Variants in KCNT2 observed in about 807,000 individuals in gnomAD.
KCNT2 encodes the protein potassium sodium-activated channel subfamily T member 2.
KCNT2 carries 67 observed loss-of-function variants against 153.8 expected under a neutral mutation model. The observed-to-expected ratio is 0.44, with a 90% CI of 0.36 to 0.53. The LOEUF is 0.53. Among genes scored for constraint, KCNT2 ranks in the 20% least tolerant of loss-of-function variants. The pLI, the probability that KCNT2 is intolerant of heterozygous loss-of-function variation, is 0.00. For synonymous variants in KCNT2, 500 were observed against 458.8 expected, an observed-to-expected ratio of 1.09 and a Z score of -1.15; for missense variants, 975 against 1,354.8, an observed-to-expected ratio of 0.72 and a Z score of 4.40.
rs147741588 is a variant in KCNT2 at position 196,319,516 on chromosome 1, T to G, written c.2316A>C (p.Pro772=). ...MHFLDAICWF[P]MVYYMVGSID... ...TAGAGCCCACCATGTAGTAAACCATTGGAAACCAACAGATTGCATCCAGAA... is the reference window on the plus strand; with the variant it reads ...TAGAGCCCACCATGTAGTAAACCATGGGAAACCAACAGATTGCATCCAGAA... The change falls in exon 20 of 28, where the codon CCA becomes CCC. Residue 772 remains proline, a synonymous_variant. Coordinates refer to ENST00000294725, the MANE Select transcript of KCNT2 (RefSeq NM_198503.5). The G allele has an allele frequency of 4.4e-4, 701 of 1,610,386 alleles. 2 individuals are homozygous for G. In the African/African-American group the frequency reaches 6.5e-3, roughly 15 times the overall value.
chr1:196,296,218 C>T (rs1382774680), intron 22 of KCNT2, among the ~76,000 whole-genome samples: 4 of 151,468 alleles, frequency 2.6e-5, no homozygotes, highest in Non-Finnish European at 5.9e-5. Context: ...CAGTTTGAAG[C>T]CCCAAGAATT....
chr1:196,284,602 A>G (rs1375094951), intron 23 of KCNT2, among the ~76,000 whole-genome samples: 2 of 152,038 alleles, frequency 1.3e-5, no homozygotes, highest in Non-Finnish European at 2.9e-5. Context: ...CCTGCAATTT[A>G]ATCTCTTTAA....
At chr1:196,267,726 C>T (rs1657681664) in intron 25 of KCNT2, among the ~76,000 whole-genome samples, 1 of 152,100 alleles carries the variant, frequency 6.6e-6, no homozygotes, top group African/African-American at 2.4e-5. Flanking sequence ...ATCAGATGCC[C>T]TGCGCTCAGG....
chr1:196,342,419 ACT>A (rs1558170433), intron 14 of KCNT2, among the ~76,000 whole-genome samples, 191 bp from the exon 15 acceptor site: 1 of 54,762 alleles, frequency 1.8e-5, no homozygotes, highest in Non-Finnish European at 3.3e-5. Context: ...AATTTTGAAT[ACT>A]ATATATATAT....
chr1:196,496,678 A>C (rs567553060), intron 1 of KCNT2, among the ~76,000 whole-genome samples: 1 of 152,314 alleles, frequency 6.6e-6, no homozygotes, highest in Non-Finnish European at 1.5e-5. Flanking sequence ...TTATTTACCC[A>C]CTTGTTCCAG....
At chr1:196,439,729 G>A (rs187766335) in intron 8 of KCNT2, among the ~76,000 whole-genome samples, 1 of 151,940 alleles carries the variant, frequency 6.6e-6, no homozygotes, top group Admixed American at 6.6e-5. Context: ...TATACCTGTA[G>A]CAAGCCATTT....
intron 16 of KCNT2, among the ~76,000 whole-genome samples, chr1:196,338,032 C>A (rs950660270): frequency 6.6e-6 from 1 of 151,816 alleles, no homozygotes; most frequent in Non-Finnish European, 1.5e-5. Context: ...ATTAGGCACA[C>A]AATAAGTACT....
rs1241810055 is a variant in KCNT2 at position 196,389,544 on chromosome 1, A to C, written c.1294+9019T>G. The stretch of plus-strand genomic sequence containing the variant: ...TGGGGTGCTTCATTTTGGTAGAATT[A>C]GTTTGATACCTTGAAGGTCTGCTGG... On this transcript the variant is annotated intron_variant, in intron 13 of 27. Coordinates refer to ENST00000294725, the MANE Select transcript of KCNT2 (RefSeq NM_198503.5). 3.3e-5 allele frequency among the ~76,000 whole-genome samples: 5 copies of C among 151,834 alleles called. No individual in the cohort carries two copies. In the East Asian group the frequency reaches 5.8e-4, roughly 18 times the overall value.
chr1:196,492,180 G>T, intron 2 of KCNT2, 82 bp downstream of exon 2: 1 of 1,265,302 alleles, frequency 7.9e-7, no homozygotes, highest in Non-Finnish European at 1.0e-6. Context: ...TATCTAAAAA[G>T]TATTTTGCAA....
At chr1:196,369,595 G>A (rs893242567) in intron 14 of KCNT2, among the ~76,000 whole-genome samples, 3 of 151,684 alleles carry the variant, frequency 2.0e-5, no homozygotes, top group Non-Finnish European at 4.4e-5. Context: ...TTGTTCCTGC[G>A]ATAGTTTACT....
At chr1:196,264,014 T>G (rs1646298727) in intron 25 of KCNT2, among the ~76,000 whole-genome samples, 1 of 152,146 alleles carries the variant, frequency 6.6e-6, no homozygotes, top group African/African-American at 2.4e-5. Context: ...GAATTTGGAA[T>G]CTAGCTAATT....
chr1:196,552,285 G>T (rs1256589993), intron 1 of KCNT2, among the ~76,000 whole-genome samples: 2 of 151,220 alleles, frequency 1.3e-5, no homozygotes, highest in African/African-American at 4.8e-5. Context: ...CATTATTTTT[G>T]TTTTTAAAAA....
chr1:196,427,185 A>G (rs1024337119), intron 10 of KCNT2, among the ~76,000 whole-genome samples: 11 of 152,046 alleles, frequency 7.2e-5, no homozygotes, highest in Non-Finnish European at 1.3e-4. Flanking sequence ...TAAAAATGCA[A>G]GTTAACATAT....
At chr1:196,509,279 A>G (rs1681411355) in intron 1 of KCNT2, among the ~76,000 whole-genome samples, 1 of 152,056 alleles carries the variant, frequency 6.6e-6, no homozygotes, top group South Asian at 2.1e-4. Flanking sequence ...AAAAAAAAAA[A>G]AAAAGGTTCA....
intron 8 of KCNT2, among the ~76,000 whole-genome samples, chr1:196,452,324 TA>T (rs1438405742): frequency 6.6e-6 from 1 of 151,994 alleles, no homozygotes; most frequent in Non-Finnish European, 1.5e-5. Flanking sequence ...ATATGAAATA[TA>T]TTGATGATTA....
At chr1:196,298,331 A>C (rs1362574293) in intron 22 of KCNT2, among the ~76,000 whole-genome samples, 1 of 152,214 alleles carries the variant, frequency 6.6e-6, no homozygotes, top group Non-Finnish European at 1.5e-5. Context: ...ATTCCTGCCC[A>C]GCCAGCTACA....
At chr1:196,517,120 G>A (rs543447912) in intron 1 of KCNT2, among the ~76,000 whole-genome samples, 1 of 152,286 alleles carries the variant, frequency 6.6e-6, no homozygotes, top group Non-Finnish European at 1.5e-5. Flanking sequence ...GGCAACCAGA[G>A]GCTGGTCCAG....
chr1:196,482,057 T>C (rs1307042800), intron 4 of KCNT2, among the ~76,000 whole-genome samples: 1 of 152,188 alleles, frequency 6.6e-6, no homozygotes, highest in Non-Finnish European at 1.5e-5. Flanking sequence ...GGAAAACTTG[T>C]GGAGCCTTAA....
At chr1:196,534,647 C>A (rs1473861029) in intron 1 of KCNT2, among the ~76,000 whole-genome samples, 2 of 152,048 alleles carry the variant, frequency 1.3e-5, no homozygotes, top group African/African-American at 4.8e-5. Flanking sequence ...AAAAAGGAAG[C>A]CTGCTTCTTA....
Sources: allele counts gnomAD v4.1 joint callset (sites outside exome capture counted in the v4.1 genomes callset), GRCh38; gene constraint gnomAD v4.1.1; transcripts MANE v1.5; gene names NCBI Gene and HGNC (gene_info 2026-07-23, HGNC 2026-07-21).